SP3: variants seen among roughly 807,000 people sequenced by gnomAD.
The protein encoded by SP3 is Sp3 transcription factor.
In SP3, 10 loss-of-function variants were observed where a neutral mutation model predicts 70.3. The observed-to-expected ratio is 0.14, with a 90% CI of 0.09 to 0.24. The LOEUF (loss-of-function observed/expected upper bound fraction) is 0.24, where lower values mean the gene tolerates loss of function less well. SP3 is among the 10% of genes least tolerant of loss of function. The probability of loss-of-function intolerance (pLI) is 1.00; values close to 1 mark genes in which losing one functional copy is unlikely to be tolerated. For synonymous variants in SP3, 402 were observed against 333.5 expected, an observed-to-expected ratio of 1.21 and a Z score of -2.24; for missense variants, 825 against 914.6, an observed-to-expected ratio of 0.90 and a Z score of 1.26.
rs973221939 is a variant in SP3 at position 173,904,656 on chromosome 2, G to A, written c.*5285C>T. On this transcript the variant is annotated 3_prime_UTR_variant, in exon 7 of 7. Transcript: ENST00000310015. ...GTTTTCCAATTCCAAATTCTCAGGAGAAATCATCTAATTGGCTCAACTTTG... is the reference window on the plus strand; with the variant it reads ...GTTTTCCAATTCCAAATTCTCAGGAAAAATCATCTAATTGGCTCAACTTTG... Among the ~76,000 whole-genome samples the A allele has an allele frequency of 6.6e-6, 1 of 152,178 alleles. No homozygotes were observed. Among genetic ancestry groups the A allele is most frequent in the Non-Finnish European group, 1.5e-5 (1 of 68,034 alleles).
intron 4 of SP3, among the ~76,000 whole-genome samples, chr2:173,938,041 C>CT (rs1221057596): frequency 6.6e-6 from 1 of 152,184 alleles, no homozygotes; most frequent in East Asian, 1.9e-4. Flanking sequence ...TAACGTTCCT[C>CT]TTGCTTCTCT....
At chr2:173,961,938 T>G (rs1446106726) in intron 3 of SP3, among the ~76,000 whole-genome samples, 1 of 105,342 alleles carries the variant, frequency 9.5e-6, no homozygotes, top group Non-Finnish European at 1.8e-5. Flanking sequence ...GGTTTGGGTT[T>G]TTTTTTTTTT....
At chr2:173,964,322 T>TGAGGCGAGGAGGGAGGGGC in intron 2 of SP3, 83 bp downstream of exon 2, 1 of 452,806 alleles carries the variant, frequency 2.2e-6, no homozygotes, top group Middle Eastern at 5.3e-4. Flanking sequence ...GAGGGAGGGG[T>TGAGGCGAGGAGGGAGGGGC]GAGGCGAGGA....
At chr2:173,934,011 A>G (rs1043599749) in intron 4 of SP3, among the ~76,000 whole-genome samples, 5 of 151,984 alleles carry the variant, frequency 3.3e-5, no homozygotes, top group Non-Finnish European at 7.4e-5. Flanking sequence ...GTGGGAGGAT[A>G]GCTTGAGCCC....
At position 173,907,412 on chromosome 2, in the gene SP3, A is replaced by G. The variant is rs1370356016; in HGVS notation, c.*2529T>C. The G allele has an allele frequency of 6.6e-6, 1 of 152,034 alleles. No homozygotes were observed. Among genetic ancestry groups the G allele is most frequent in the Non-Finnish European group, 1.5e-5 (1 of 67,956 alleles). The allele number at this position is 152,034 out of a possible 1,614,324, so 9.4% of individuals were successfully genotyped here. A position where few individuals can be genotyped will look rare whatever the true frequency, so the allele number is the denominator to read the frequency against. Reference sequence around the variant, plus strand: ...TCAACATTTTAAAATATAAAAATAGAAATATTTAAAATTATCTACACTGAG... The same window carrying G: ...TCAACATTTTAAAATATAAAAATAGGAATATTTAAAATTATCTACACTGAG... On this transcript the variant is annotated 3_prime_UTR_variant, in exon 7 of 7. Transcript: ENST00000310015.
Position 173,964,502 on chromosome 2 carries a change from C to T in SP3, c.59G>A (p.Ser20Asn), listed in dbSNP as rs753275263. 3 of 692,670 alleles carry T rather than the reference C, an allele frequency of 4.3e-6. No homozygotes were observed. Among genetic ancestry groups the T allele is most frequent in the African/African-American group, 3.7e-5 (2 of 54,056 alleles). The allele number at this position is 692,670 out of a possible 1,614,324, so 42.9% of individuals were successfully genotyped here. Residue 20 changes from serine to asparagine, a missense_variant, in exon 2 of 7, where the codon AGC (serine) becomes AAC (asparagine). Ser to Asn is a conservative substitution (Grantham distance 46). This residue lies in a region of SP3 where 678 missense variants were observed against 651.6 expected (regional missense o/e 1.04). Coordinates refer to ENST00000310015, the MANE Select transcript of SP3 (RefSeq NM_003111.5). ...GCCGCCGCCGCCACCGCCGCCGCCG[C>T]TATCCACGTCCAAGGCAGCCATTTC... ...QEEMAALDVD[S>N]GGGGGGGGGH... is the part of the protein sequence containing the mutation.
rs974298570 is a variant in SP3 at position 173,906,455 on chromosome 2, GCAGT to G, written c.*3482_*3485del. ...ACAAAAGACTTAGTACTCATTCATG[GCAGT>G]CAGTTTTAAACATACTGTTTAGTGA... On this transcript the variant is annotated 3_prime_UTR_variant, in exon 7 of 7. Coordinates refer to ENST00000310015, the MANE Select transcript of SP3 (RefSeq NM_003111.5). The G allele has an allele frequency of 1.3e-5, 2 of 152,092 alleles. No homozygotes were observed. Among genetic ancestry groups the G allele is most frequent in the African/African-American group, 2.4e-5 (1 of 41,394 alleles). The allele number at this position is 152,092 out of a possible 1,614,324, so 9.4% of individuals were successfully genotyped here. A position where few individuals can be genotyped will look rare whatever the true frequency, so the allele number is the denominator to read the frequency against.
rs748326042 is a variant in SP3, at chr2:173,907,331, T to C, written c.*2610A>G. 6.6e-6 allele frequency: 1 copy of C among 152,186 alleles called. No homozygotes were observed. Among genetic ancestry groups the C allele is most frequent in the Admixed American group, 6.5e-5 (1 of 15,284 alleles). The allele number at this position is 152,186 out of a possible 1,614,324, so 9.4% of individuals were successfully genotyped here. On this transcript the variant is annotated 3_prime_UTR_variant, in exon 7 of 7. Transcript: ENST00000310015. ...TTATACACAATACTAATAGGTTTTATAACCAGAAAAAGTTGACATCAGAGC... is the reference window on the plus strand; with the variant it reads ...TTATACACAATACTAATAGGTTTTACAACCAGAAAAAGTTGACATCAGAGC...
At chr2:173,948,050 A>G (rs7583885) in intron 4 of SP3, among the ~76,000 whole-genome samples, 5,790 of 152,238 alleles carry the variant, frequency 0.038, 173 homozygotes, top group Admixed American at 0.1. Flanking sequence ...AACTTTTTGT[A>G]GCTCCCCTTT....
rs188142869 is a variant in SP3 at position 173,919,827 on chromosome 2, C to A, written c.1640-1042G>T. Among the ~76,000 whole-genome samples, 301 of 151,742 alleles carry A rather than the reference C, an allele frequency of 2.0e-3. 3 individuals carry two copies. The highest frequency in any genetic ancestry group is 3.0e-3 in the Non-Finnish European group (207 of 67,982). On this transcript the variant is annotated intron_variant, in intron 4 of 6. Transcript: ENST00000310015. ...TCTTCTAAAAGTGAACCTATATATA[C>A]CCTATAGCTCAAACAATTTCCCCCT...
chr2:173,959,270 C>T (rs1690985508), intron 3 of SP3, among the ~76,000 whole-genome samples: 1 of 150,650 alleles, frequency 6.6e-6, no homozygotes, highest in African/African-American at 2.4e-5. Flanking sequence ...GAAATTTCAT[C>T]AGCAATATAC....
intron 4 of SP3, among the ~76,000 whole-genome samples, chr2:173,944,140 G>T (rs978161511): frequency 6.6e-6 from 1 of 152,214 alleles, no homozygotes; most frequent in Non-Finnish European, 1.5e-5. Context: ...CTGAATCAAT[G>T]ACTGACTAAC....
intron 3 of SP3, among the ~76,000 whole-genome samples, chr2:173,961,920 A>G (rs1277445444): frequency 2.0e-5 from 3 of 149,042 alleles, no homozygotes; most frequent in Non-Finnish European, 4.4e-5. Context: ...CAGACATCAT[A>G]AATATATGGT....
chr2:173,922,112 C>T (rs1267247546), intron 4 of SP3, among the ~76,000 whole-genome samples: 1 of 152,116 alleles, frequency 6.6e-6, no homozygotes, highest in East Asian at 1.9e-4. Flanking sequence ...ACAGGAATGG[C>T]CTGACACAGT....
Position 173,910,004 on chromosome 2 carries a change from G to A in SP3, c.2283C>T (p.Ile761=). Reference sequence around the variant, plus strand: ...GTAAAGGTATTTCAGTGTTGGTAAGGATATCTTGATTGCTGGTGGCGGAAG... The same window carrying A: ...GTAAAGGTATTTCAGTGTTGGTAAGAATATCTTGATTGCTGGTGGCGGAAG... ...VNTSATSNQD[I]LTNTEIPLQL... Residue 761 remains isoleucine (I), a synonymous_variant, in exon 7 of 7, where the codon ATC becomes ATT. Transcript: ENST00000310015. The A allele has an allele frequency of 6.2e-7, 1 of 1,613,890 alleles. No individual in the cohort carries two copies. Among genetic ancestry groups the A allele is most frequent in the Non-Finnish European group, 8.5e-7 (1 of 1,179,854 alleles).
intron 3 of SP3, among the ~76,000 whole-genome samples, chr2:173,961,730 A>G (rs916662363): frequency 1.3e-5 from 2 of 152,196 alleles, no homozygotes; most frequent in African/African-American, 4.8e-5. Context: ...GTAATAAAAG[A>G]TTATCTAAGC....
chr2:173,955,478 C>T lies in SP3; in HGVS notation c.1034G>A (p.Ser345Asn), dbSNP rs1363671863. Reference protein sequence around the residue: ...SSSQLPVTIDSTGILQQNTNS... With the variant: ...SSSQLPVTIDNTGILQQNTNS... ...TGTGTTTTGTTGTAATATACCTGTA[C>T]TATCTATCGTAACAGGCAACTGTGA... Residue 345 changes from serine (S) to asparagine (N), a missense_variant, in exon 4 of 7, where the codon AGT becomes AAT. Physicochemically the swap from Ser to Asn is conservative, Grantham distance 46. Around this residue, in one of 4 missense-constraint regions of SP3, gnomAD observed 678 missense variants for 651.6 expected, o/e 1.04. Coordinates refer to ENST00000310015, the MANE Select transcript of SP3 (RefSeq NM_003111.5). The T allele has an allele frequency of 1.9e-6, 3 of 1,614,094 alleles. No individual in the cohort carries two copies. The highest frequency in any genetic ancestry group is 1.3e-5 in the African/African-American group (1 of 75,014).
At chr2:173,964,263 G>C in intron 2 of SP3, 142 bp downstream of exon 2, 1 of 510,826 alleles carries the variant, frequency 2.0e-6, no homozygotes, top group Non-Finnish European at 3.4e-6. Flanking sequence ...CCTCGGGCGG[G>C]CAGCTCCCGG....
At chr2:173,952,101 A>AT (rs546757353) in intron 4 of SP3, among the ~76,000 whole-genome samples, 11,065 of 140,780 alleles carry the variant, frequency 0.079, 733 homozygotes, top group African/African-American at 0.18. Flanking sequence ...GGCTCACTTC[A>AT]TTTTTTTTTT....
Sources: gnomAD v4.1 joint callset for allele counts (sites outside exome capture counted in the v4.1 genomes callset) on GRCh38, gnomAD v4.1.1 for gene constraint, gnomAD v4.1.1 regional missense constraint, MANE v1.5 for transcripts, NCBI Gene and HGNC (gene_info 2026-07-23, HGNC 2026-07-21) for gene names.